WWOX: variants seen among roughly 807,000 people sequenced by gnomAD.
WWOX encodes the protein WW domain containing oxidoreductase.
WWOX carries 69 observed loss-of-function variants against 46.2 expected under a neutral mutation model. The observed-to-expected ratio is 1.49, with a 90% CI of 1.23 to 1.82. The LOEUF is 1.82. WWOX is among the 40% of genes most tolerant of loss of function. WWOX has a pLI of 0.00. For synonymous variants in WWOX, 359 were observed against 202.6 expected, an observed-to-expected ratio of 1.77 and a Z score of -6.56; for missense variants, 919 against 542.6, an observed-to-expected ratio of 1.69 and a Z score of -6.89.
intron 8 of WWOX, among the ~76,000 whole-genome samples, chr16:78,972,650 G>A (rs535585256): frequency 5.3e-5 from 8 of 152,072 alleles, no homozygotes; most frequent in African/African-American, 1.9e-4. Flanking sequence ...CTCTGTTTCT[G>A]TTTCAACTGC....
At chr16:78,664,387 G>T (rs886601021) in intron 8 of WWOX, among the ~76,000 whole-genome samples, 1 of 152,166 alleles carries the variant, frequency 6.6e-6, no homozygotes, top group African/African-American at 2.4e-5. Context: ...CACGTAGGAA[G>T]TGGCAGGTTG....
intron 8 of WWOX, among the ~76,000 whole-genome samples, chr16:78,862,737 T>C (rs1313400735): frequency 1.3e-5 from 2 of 152,088 alleles, no homozygotes; most frequent in Non-Finnish European, 2.9e-5. Flanking sequence ...GGCAATTCTT[T>C]CTCACTCAGC....
intron 8 of WWOX, among the ~76,000 whole-genome samples, chr16:78,966,775 T>C (rs2046369993): frequency 1.3e-5 from 2 of 152,182 alleles, no homozygotes; most frequent in Non-Finnish European, 1.5e-5. Context: ...GAGGTCTGGA[T>C]TCAAATCACA....
At chr16:79,070,580 C>G (rs2048531582) in intron 8 of WWOX, among the ~76,000 whole-genome samples, 1 of 152,078 alleles carries the variant, frequency 6.6e-6, no homozygotes, top group Admixed American at 6.5e-5. Flanking sequence ...GACGGGCAGT[C>G]AGGTTCGGAC....
intron 7 of WWOX, among the ~76,000 whole-genome samples, chr16:78,431,429 C>A (rs2151384673): frequency 6.6e-6 from 1 of 152,228 alleles, no homozygotes; most frequent in Middle Eastern, 3.4e-3. Flanking sequence ...CTTGGATGCT[C>A]AAATGAAAAT....
rs140506074 is a variant in WWOX at position 78,978,300 on chromosome 16, A to G, written c.1057-233308A>G. Among the ~76,000 whole-genome samples, 820 of 152,304 alleles carry G rather than the reference A, an allele frequency of 5.4e-3. 7 individuals are homozygous for G. Among genetic ancestry groups the G allele is most frequent in the African/African-American group, 0.018 (762 of 41,554 alleles). ...CTCTTGTGAATCCATGCTGCTGTGA[A>G]TAATTGCATATGAGTATTTGGGTTC... On this transcript the variant is annotated intron_variant, in intron 8 of 8. Coordinates refer to ENST00000566780, the MANE Select transcript of WWOX (RefSeq NM_016373.4).
At chr16:78,602,327 G>A (rs1466460152) in intron 8 of WWOX, among the ~76,000 whole-genome samples, 1 of 152,110 alleles carries the variant, frequency 6.6e-6, no homozygotes, top group Non-Finnish European at 1.5e-5. Flanking sequence ...TCACCTCCTA[G>A]GTTCCAGCGA....
chr16:78,699,131 C>T (rs886737954), intron 8 of WWOX, among the ~76,000 whole-genome samples: 1 of 152,212 alleles, frequency 6.6e-6, no homozygotes, highest in Non-Finnish European at 1.5e-5. Context: ...AATGCACCAT[C>T]TGTGTTCCAG....
intron 8 of WWOX, among the ~76,000 whole-genome samples, chr16:79,087,742 G>A (rs936394540): frequency 2.0e-5 from 3 of 152,168 alleles, no homozygotes; most frequent in Non-Finnish European, 2.9e-5. Flanking sequence ...CACTTTCTCT[G>A]GAATTTGGCC....
At chr16:78,974,551 T>A (rs565848899) in intron 8 of WWOX, among the ~76,000 whole-genome samples, 1 of 152,218 alleles carries the variant, frequency 6.6e-6, no homozygotes, top group Non-Finnish European at 1.5e-5. Flanking sequence ...ATGTATTATT[T>A]CCTTAAATAT....
intron 8 of WWOX, among the ~76,000 whole-genome samples, chr16:78,813,613 G>A (rs940030610): frequency 2.0e-5 from 3 of 152,084 alleles, no homozygotes; most frequent in African/African-American, 7.2e-5. Context: ...CTGTGTGTGT[G>A]TTCATCACGT....
chr16:78,427,080 A>G (rs1567566760), intron 7 of WWOX, among the ~76,000 whole-genome samples: 1 of 152,198 alleles, frequency 6.6e-6, no homozygotes, highest in East Asian at 1.9e-4. Flanking sequence ...CTTGGTGCGT[A>G]GGTGGTACGT....
intron 5 of WWOX, among the ~76,000 whole-genome samples, chr16:78,201,976 A>T (rs2036246216): frequency 6.6e-6 from 1 of 151,966 alleles, no homozygotes; most frequent in Non-Finnish European, 1.5e-5. Context: ...GTAATCCTGG[A>T]TTATAGGTGT....
intron 8 of WWOX, among the ~76,000 whole-genome samples, chr16:78,751,467 A>ATATTTATCAGAT (rs2049476583): frequency 1.4e-5 from 2 of 142,846 alleles, no homozygotes; most frequent in Admixed American, 1.4e-4. Flanking sequence ...GATTTTATAT[A>ATATTTATCAGAT]TATATATATA....
intron 8 of WWOX, among the ~76,000 whole-genome samples, chr16:79,167,133 G>A (rs1302409293): frequency 1.3e-5 from 2 of 152,098 alleles, no homozygotes; most frequent in Non-Finnish European, 2.9e-5. Context: ...TTAGAGACGG[G>A]GTTTTGCCAT....
At chr16:78,438,473 C>T (rs977177486) in intron 8 of WWOX, among the ~76,000 whole-genome samples, 1 of 151,446 alleles carries the variant, frequency 6.6e-6, no homozygotes, top group South Asian at 2.1e-4. Context: ...TTTTTTTCCA[C>T]ATAAGCTTTC....
intron 8 of WWOX, among the ~76,000 whole-genome samples, chr16:79,126,078 G>A (rs540661430): frequency 1.6e-4 from 25 of 152,232 alleles, no homozygotes; most frequent in Middle Eastern, 3.4e-3. Context: ...ATATGGTAGG[G>A]AAGCAACATA....
chr16:79,051,509 A>G (rs181875848), intron 8 of WWOX, among the ~76,000 whole-genome samples: 1 of 128,804 alleles, frequency 7.8e-6, no homozygotes, highest in African/African-American at 3.0e-5. Context: ...ATTGGCTACA[A>G]CTCAGTCACA....
chr16:78,321,062 G>A (rs1446786099), intron 5 of WWOX, among the ~76,000 whole-genome samples: 1 of 152,000 alleles, frequency 6.6e-6, no homozygotes, highest in Admixed American at 6.6e-5. Context: ...CTCATACTCA[G>A]TGCTGCTAAA....
Sources: allele counts gnomAD v4.1 joint callset (sites outside exome capture counted in the v4.1 genomes callset), GRCh38; gene constraint gnomAD v4.1.1; transcripts MANE v1.5; gene names NCBI Gene and HGNC (gene_info 2026-07-23, HGNC 2026-07-21).